SHFL: variants seen among roughly 807,000 people sequenced by gnomAD.
SHFL encodes the protein shiftless antiviral inhibitor of ribosomal frameshifting.
Under a neutral mutation model 34.7 loss-of-function variants are expected in SHFL, and 12 were observed. The ratio of observed to expected loss-of-function variants is 0.35; its 90% CI spans 0.22 to 0.56. The LOEUF (loss-of-function observed/expected upper bound fraction) is 0.56. SHFL is among the 20% of genes least tolerant of loss of function. The probability of loss-of-function intolerance (pLI) is 0.88; values close to 1 mark genes in which losing one functional copy is unlikely to be tolerated. For synonymous variants in SHFL, 148 were observed against 156.0 expected, an observed-to-expected ratio of 0.95 and a Z score of 0.38; for missense variants, 278 against 411.1, an observed-to-expected ratio of 0.68 and a Z score of 2.80.
Position 10,092,748 on chromosome 19 carries a change from C to T in SHFL, c.*446C>T, listed in dbSNP as rs1341111356. The T allele has an allele frequency of 8.1e-6, 13 of 1,609,620 alleles. No individual in the cohort carries two copies. Among genetic ancestry groups the T allele is most frequent in the Non-Finnish European group, 1.1e-5 (13 of 1,176,544 alleles). On this transcript the variant is annotated 3_prime_UTR_variant, in exon 8 of 8. Coordinates refer to ENST00000253110, the MANE Select transcript of SHFL (RefSeq NM_018381.4). ...TGGAGTGGGCACAGGCATGGTACCACCAGCCTCCCCGCTGGTACAGGGCAC... is the reference window on the plus strand; with the variant it reads ...TGGAGTGGGCACAGGCATGGTACCATCAGCCTCCCCGCTGGTACAGGGCAC...
At chr19:10,087,140 C>T (rs998869969) in intron 2 of SHFL, 88 bp downstream of exon 2, 1 of 1,587,344 alleles carries the variant, frequency 6.3e-7, no homozygotes, top group African/African-American at 1.3e-5. Context: ...GTTGAGATCA[C>T]CTCCCCCGGA....
At chr19:10,088,512 T>G (rs1023246056) in intron 3 of SHFL, among the ~76,000 whole-genome samples, 1 of 151,990 alleles carries the variant, frequency 6.6e-6, no homozygotes, top group African/African-American at 2.4e-5. Flanking sequence ...GAGCTTGCAG[T>G]GAGCCGAGAT....
chr19:10,086,882 A>ATCCCGTT lies in SHFL; in HGVS notation c.22-42_22-36dup, dbSNP rs777489589. On this transcript the variant is annotated intron_variant, in intron 1 of 7. Coordinates refer to ENST00000253110, the MANE Select transcript of SHFL (RefSeq NM_018381.4). This position sits in a 1 kb window ranked among gnomAD's most constrained non-coding sequence, Gnocchi z 5.2. ...GGTGCCTAGAGATGGGGGAGGGATG[A>ATCCCGTT]TCCCGTTTCCCCTTCCCCCACCGGA... is the stretch of plus-strand genomic sequence containing the variant. 33 of 1,607,066 alleles carry ATCCCGTT rather than the reference A, an allele frequency of 2.1e-5. No individual in the cohort carries two copies. The East Asian group carries it at 6.7e-4, about 33-fold the overall frequency.
Position 10,086,895 on chromosome 19 carries a change from T to G in SHFL, c.22-34T>G. 2 of 1,610,648 alleles carry G rather than the reference T, an allele frequency of 1.2e-6. No homozygotes were observed. Among genetic ancestry groups the G allele is most frequent in the South Asian group, 1.1e-5 (1 of 90,662 alleles). On this transcript the variant is annotated intron_variant, in intron 1 of 7. Transcript: ENST00000253110. This position sits in a 1 kb window ranked among gnomAD's most constrained non-coding sequence, Gnocchi z 5.2. ...GGGGGAGGGATGATCCCGTTTCCCCTTCCCCCACCGGAACCCCCCTGTCTC... is the reference window on the plus strand; with the variant it reads ...GGGGGAGGGATGATCCCGTTTCCCCGTCCCCCACCGGAACCCCCCTGTCTC...
intron 3 of SHFL, chr19:10,089,372 G>A (rs757415122): frequency 2.5e-6 from 4 of 1,598,642 alleles, no homozygotes; most frequent in East Asian, 4.5e-5. Context: ...GCATTTGCAG[G>A]CAGGAAGTGA....
chr19:10,092,259 A>C lies in SHFL; in HGVS notation c.833A>C (p.Glu278Ala), dbSNP rs775987745. 6.2e-7 allele frequency: 1 copy of C among 1,606,136 alleles called. No homozygotes were observed. Residue 278 changes from glutamate (E) to alanine (A), a missense_variant, in exon 8 of 8, where the codon GAA becomes GCA. Glu to Ala is a moderately radical substitution (Grantham distance 107). Transcript: ENST00000253110. The part of the protein sequence containing the change: ...ILEDLKEEEE[E>A]EEEVEDEEGG... ...GAGGACCTGAAGGAGGAGGAGGAGG[A>C]AGAGGAGGAGGTGGAGGACGAGGAG...
In SHFL at chr19:10,091,219, C is replaced by G. The variant is rs1048274163; in HGVS notation, c.385-31C>G. The G allele has an allele frequency of 1.3e-6, 2 of 1,595,994 alleles. No homozygotes were observed. Among genetic ancestry groups the G allele is most frequent in the African/African-American group, 2.7e-5 (2 of 74,546 alleles). On this transcript the variant is annotated intron_variant, in intron 5 of 7. Transcript: ENST00000253110. This position sits in a 1 kb window ranked among gnomAD's most constrained non-coding sequence, Gnocchi z 8.2. ...GACACCTCTGACAATCCTTGGTCCC[C>G]TCTCTGTACCTTCCTGCCCACCACC...
chr19:10,087,542 C>T (rs1007206849), intron 3 of SHFL: 4 of 576,928 alleles, frequency 6.9e-6, no homozygotes, highest in Non-Finnish European at 1.2e-5. Context: ...AGCCATGAAA[C>T]TAAGCAATGA....
In SHFL at chr19:10,086,372, G is replaced by T. The variant is rs1343893026; in HGVS notation, c.-56G>T. The T allele has an allele frequency of 7.1e-6, 9 of 1,268,604 alleles. No individual in the cohort carries two copies. The South Asian group carries it at 1.0e-4, about 15-fold the overall frequency. 78.6% of individuals were successfully genotyped at this position (1,268,604 alleles called of 1,614,324 possible). A position where few individuals can be genotyped will look rare whatever the true frequency, so the allele number is the denominator to read the frequency against. ...TGGACCGACGGGCGCACCCAGGTAG[G>T]GGGGCGGCTGAGCCGCGCAGTGCGG... On this transcript the variant is annotated 5_prime_UTR_variant, in exon 1 of 8. Coordinates refer to ENST00000253110, the MANE Select transcript of SHFL (RefSeq NM_018381.4). This position sits in a 1 kb window ranked among gnomAD's most constrained non-coding sequence, Gnocchi z 5.2.
At chr19:10,087,657 G>A (rs1599272923) in intron 3 of SHFL, 1 of 289,668 alleles carries the variant, frequency 3.5e-6, no homozygotes, top group Admixed American at 5.0e-5. Flanking sequence ...GTGAGCCCTG[G>A]GAGGGGAAAG....
chr19:10,087,443 A>C, intron 3 of SHFL, 143 bp downstream of exon 3: 122 of 807,718 alleles, frequency 1.5e-4, no homozygotes, highest in Non-Finnish European at 2.0e-4. Context: ...ACCCAATCTC[A>C]CTTTTTCACC....
At position 10,086,650 on chromosome 19, in the gene SHFL, A is replaced by C; in HGVS notation, c.21+202A>C. The C allele has an allele frequency of 1.8e-6, 1 of 567,292 alleles. No homozygotes were observed. The highest frequency in any genetic ancestry group is 2.9e-6 in the Non-Finnish European group (1 of 346,202). The allele number at this position is 567,292 out of a possible 1,614,324, so 35.1% of individuals were successfully genotyped here. ...GCGAAATGAGGCCTCCCCGAGGAAA[A>C]GCGGGGGCTGCAGGGTCAAAGGTCA... On this transcript the variant is annotated intron_variant, in intron 1 of 7. Coordinates refer to ENST00000253110, the MANE Select transcript of SHFL (RefSeq NM_018381.4). This position sits in a 1 kb window ranked among gnomAD's most constrained non-coding sequence, Gnocchi z 5.2.
rs370815479 is a variant in SHFL, at chr19:10,090,029, C to T, written c.366C>T (p.Arg122=). The T allele has an allele frequency of 1.6e-5, 25 of 1,603,594 alleles. No homozygotes were observed. The South Asian group carries it at 2.0e-4, about 13-fold the overall frequency. The change falls in exon 5 of 8, where the codon CGC becomes CGT. Residue 122 remains arginine (R), a synonymous_variant. Transcript: ENST00000253110. ...CSSCDHVWWR[R]VPQRKEVSRC... Reference sequence around the variant, plus strand: ...CCTGCGACCACGTCTGGTGGCGCCGCGTGCCCCAGCGGAAGGAGGTGATGA... The same window carrying T: ...CCTGCGACCACGTCTGGTGGCGCCGTGTGCCCCAGCGGAAGGAGGTGATGA...
rs768371482 is a variant in SHFL at position 10,089,984 on chromosome 19, C to A, written c.321C>A (p.Asp107Glu). ...RAQDDLIPAV[D>E]RQFACSSCDH... is the part of the protein sequence containing the mutation. ...AGGACGACCTTATCCCTGCTGTGGA[C>A]CGGCAGTTTGCCTGCTCCTCCTGCG... is the stretch of plus-strand genomic sequence containing the variant. The change falls in exon 5 of 8, where the codon GAC (aspartate) becomes GAA (glutamate). Residue 107 changes from aspartate to glutamate, a missense_variant. This residue lies in a region of SHFL where 243 missense variants were observed against 386.2 expected (regional missense o/e 0.63). Transcript: ENST00000253110. 6.2e-7 allele frequency: 1 copy of A among 1,609,968 alleles called. No homozygotes were observed. The highest frequency in any genetic ancestry group is 8.5e-7 in the Non-Finnish European group (1 of 1,178,424).
chr19:10,090,594 T>G (rs2088365893), intron 5 of SHFL, among the ~76,000 whole-genome samples: 1 of 151,076 alleles, frequency 6.6e-6, no homozygotes, highest in Non-Finnish European at 1.5e-5. Flanking sequence ...GCCACCACAC[T>G]TGGCTAATTT....
intron 3 of SHFL, 162 bp from the exon 4 acceptor site, chr19:10,089,495 A>G (rs2088344593): frequency 1.5e-6 from 2 of 1,362,836 alleles, no homozygotes; most frequent in Admixed American, 2.0e-5. Flanking sequence ...TATGAGGACA[A>G]CTGAGGCCAC....
rs1357465175 is a variant in SHFL at position 10,091,201 on chromosome 19, C to A, written c.385-49C>A. 1 of 1,552,060 alleles carries A rather than the reference C, an allele frequency of 6.4e-7. No homozygotes were observed. Among genetic ancestry groups the A allele is most frequent in the Non-Finnish European group, 8.8e-7 (1 of 1,131,222 alleles). ...GCCCTGACCCCAACCTCAGACACCT[C>A]TGACAATCCTTGGTCCCCTCTCTGT... On this transcript the variant is annotated intron_variant, in intron 5 of 7. Coordinates refer to ENST00000253110, the MANE Select transcript of SHFL (RefSeq NM_018381.4). The surrounding 1 kb of genome is among the most constrained non-coding windows in gnomAD (Gnocchi z 8.2).
chr19:10,087,679 C>A, intron 3 of SHFL: 1 of 210,548 alleles, frequency 4.7e-6, no homozygotes, highest in South Asian at 6.7e-5. Flanking sequence ...GAAAGAAAGG[C>A]AGGGGTCTTG....
Position 10,093,207 on chromosome 19 carries a change from T to C in SHFL, c.*905T>C. 1 of 1,186,682 alleles carries C rather than the reference T, an allele frequency of 8.4e-7. No individual in the cohort carries two copies. Among genetic ancestry groups the C allele is most frequent in the Middle Eastern group, 2.9e-4 (1 of 3,484 alleles). The allele number at this position is 1,186,682 out of a possible 1,614,324, so 73.5% of individuals were successfully genotyped here. A position where few individuals can be genotyped will look rare whatever the true frequency, so the allele number is the denominator to read the frequency against. On this transcript the variant is annotated 3_prime_UTR_variant, in exon 8 of 8. Coordinates refer to ENST00000253110, the MANE Select transcript of SHFL (RefSeq NM_018381.4). ...CCCACCAGGATAAAAGTCCTGACCT[T>C]TGTTCTCTTGACGGAATAAAAGCTT...
Sources: gnomAD v4.1 joint callset for allele counts (sites outside exome capture counted in the v4.1 genomes callset) on GRCh38, gnomAD v4.1.1 for gene constraint, gnomAD v4.1.1 regional missense constraint, Gnocchi (gnomAD v3.1) non-coding constraint, MANE v1.5 for transcripts, NCBI Gene and HGNC (gene_info 2026-07-23, HGNC 2026-07-21) for gene names.